IGF1: variants seen among roughly 807,000 people sequenced by gnomAD.
IGF1 encodes the protein insulin like growth factor 1.
A neutral mutation model predicts 13.8 loss-of-function variants in IGF1; 4 were observed. The observed-to-expected ratio is 0.29, with a 90% CI of 0.14 to 0.66. The LOEUF is 0.66. Among genes scored for constraint, IGF1 ranks in the 30% least tolerant of loss-of-function variants. The pLI is 0.78. For synonymous variants in IGF1, 76 were observed against 72.6 expected, an observed-to-expected ratio of 1.05 and a Z score of -0.23; for missense variants, 124 against 188.5, an observed-to-expected ratio of 0.66 and a Z score of 2.00.
At chr12:102,432,495 G>A (rs1387787735) in intron 2 of IGF1, among the ~76,000 whole-genome samples, 1 of 152,170 alleles carries the variant, frequency 6.6e-6, no homozygotes, top group Non-Finnish European at 1.5e-5. Flanking sequence ...AGGACCAGAG[G>A]AATTTAATCA....
rs532019026 is a variant in IGF1, at chr12:102,453,398, A to G, written c.220+22245T>C. ...GGAAACTTTTCTTCAGGCCTCAGTT[A>G]GTGGCCTCCGGTATTCAATTATACT... On this transcript the variant is annotated intron_variant, in intron 2 of 3. Coordinates refer to ENST00000337514, the MANE Select transcript of IGF1 (RefSeq NM_000618.5). Among the ~76,000 whole-genome samples, 3 of 152,354 alleles carry G rather than the reference A, an allele frequency of 2.0e-5. No individual in the cohort carries two copies. The East Asian group carries it at 5.8e-4, about 29-fold the overall frequency.
In IGF1 at chr12:102,440,376, C is replaced by T. The variant is rs5742661; in HGVS notation, c.221-20686G>A. Reference sequence around the variant, plus strand: ...AGATGTGGATTCAGTTGGAGATAGCCGATTTCTCCAAGAATCATGGAATGT... The same window carrying T: ...AGATGTGGATTCAGTTGGAGATAGCTGATTTCTCCAAGAATCATGGAATGT... On this transcript the variant is annotated intron_variant, in intron 2 of 3. Transcript: ENST00000337514. Among the ~76,000 whole-genome samples the T allele has an allele frequency of 4.6e-5, 7 of 152,248 alleles. No individual in the cohort carries two copies. In the East Asian group the frequency reaches 5.8e-4, roughly 13 times the overall value.
intron 3 of IGF1, among the ~76,000 whole-genome samples, chr12:102,405,709 A>G (rs1260668702): frequency 4.6e-5 from 7 of 152,248 alleles, no homozygotes; most frequent in African/African-American, 1.7e-4. Flanking sequence ...AACTAAGAAA[A>G]TATTCAGGAA....
At chr12:102,419,878 G>T (rs1163997941) in intron 2 of IGF1, among the ~76,000 whole-genome samples, 188 bp from the exon 3 acceptor site, 1 of 152,158 alleles carries the variant, frequency 6.6e-6, no homozygotes, top group African/African-American at 2.4e-5. Flanking sequence ...GTCTCCCGGA[G>T]TCTGTACCAC....
intron 2 of IGF1, among the ~76,000 whole-genome samples, chr12:102,437,185 C>A (rs1877322871): frequency 6.6e-6 from 1 of 152,244 alleles, no homozygotes; most frequent in Non-Finnish European, 1.5e-5. Flanking sequence ...ATCCCCAGGG[C>A]TGGCTGGTAC....
chr12:102,430,056 A>C (rs1307001633), intron 2 of IGF1, among the ~76,000 whole-genome samples: 1 of 152,018 alleles, frequency 6.6e-6, no homozygotes, highest in Non-Finnish European at 1.5e-5. Flanking sequence ...GGGCCATTTT[A>C]TTTCCCTGGA....
chr12:102,432,809 G>A (rs764755355), intron 2 of IGF1, among the ~76,000 whole-genome samples: 19 of 152,168 alleles, frequency 1.2e-4, no homozygotes, highest in Middle Eastern at 3.4e-3. Flanking sequence ...TAACCTGCAC[G>A]TTGTGCACAT....
upstream of IGF1, chr12:102,480,765 G>C: frequency 2.6e-6 from 1 of 378,972 alleles, no homozygotes; most frequent in Non-Finnish European, 4.8e-6. Context: ...TCCCTTAAAA[G>C]AATGTGTGTT....
chr12:102,396,917 C>T lies in IGF1; in HGVS notation c.*5590G>A, dbSNP rs182925295. The T allele has an allele frequency of 7.5e-6, 3 of 398,252 alleles. No homozygotes were observed. The highest frequency in any genetic ancestry group is 4.4e-5 in the Admixed American group (1 of 22,684). The allele number at this position is 398,252 out of a possible 1,614,324, so 24.7% of individuals were successfully genotyped here. A position where few individuals can be genotyped will look rare whatever the true frequency, so the allele number is the denominator to read the frequency against. On this transcript the variant is annotated 3_prime_UTR_variant, in exon 4 of 4. Coordinates refer to ENST00000337514, the MANE Select transcript of IGF1 (RefSeq NM_000618.5). The stretch of plus-strand genomic sequence containing the variant: ...TGTAATCATACATTAAGAGGGAACA[C>T]ATGGGCAGGGTGTGGTGGCTCATGC...
chr12:102,465,058 T>C (rs1210866349), intron 2 of IGF1, among the ~76,000 whole-genome samples: 2 of 152,214 alleles, frequency 1.3e-5, no homozygotes, highest in African/African-American at 4.8e-5. Flanking sequence ...GAGTGAGCAT[T>C]CTGAAGATAC....
chr12:102,448,034 G>A (rs563489649), intron 2 of IGF1, among the ~76,000 whole-genome samples: 140 of 151,698 alleles, frequency 9.2e-4, no homozygotes, highest in Non-Finnish European at 1.5e-3. Context: ...CTGACAAAGG[G>A]TAATATCCAA....
intron 3 of IGF1, among the ~76,000 whole-genome samples, chr12:102,406,274 C>T (rs939597992): frequency 1.3e-5 from 2 of 152,188 alleles, no homozygotes; most frequent in African/African-American, 2.4e-5. Flanking sequence ...AACTTAATTA[C>T]GCCAGCCACC....
intron 2 of IGF1, among the ~76,000 whole-genome samples, chr12:102,444,655 T>C (rs540738892): frequency 1.3e-5 from 2 of 152,106 alleles, no homozygotes; most frequent in African/African-American, 4.8e-5. Flanking sequence ...AGAACTAAGC[T>C]CAAGTCAATT....
chr12:102,478,732 C>A (rs1331596400), intron 1 of IGF1: 15 of 1,119,096 alleles, frequency 1.3e-5, no homozygotes, highest in Non-Finnish European at 1.8e-5. Flanking sequence ...TCAATCTTTT[C>A]CCCCCAGTCA....
intron 2 of IGF1, among the ~76,000 whole-genome samples, 182 bp downstream of exon 2, chr12:102,475,461 G>C (rs574661111): frequency 8.5e-5 from 13 of 152,130 alleles, no homozygotes; most frequent in African/African-American, 3.1e-4. Flanking sequence ...TCCTAGATCT[G>C]CAAAACCTGC....
At chr12:102,442,534 C>T in intron 2 of IGF1, among the ~76,000 whole-genome samples, 1 of 151,994 alleles carries the variant, frequency 6.6e-6, no homozygotes, top group South Asian at 2.1e-4. Flanking sequence ...TTTTAAAAAC[C>T]CCACTACCTC....
At chr12:102,476,236 C>A (rs2137278701) in intron 1 of IGF1, among the ~76,000 whole-genome samples, 1 of 152,260 alleles carries the variant, frequency 6.6e-6, no homozygotes, top group Non-Finnish European at 1.5e-5. Context: ...AATTTAAATT[C>A]TCTCAATATT....
At chr12:102,462,873 C>A (rs1046121181) in intron 2 of IGF1, 1 of 152,172 alleles carries the variant, frequency 6.6e-6, no homozygotes, top group Non-Finnish European at 1.5e-5. Context: ...TAATAGAGAA[C>A]ATTTGCTGTG....
In IGF1 at chr12:102,401,212, C is replaced by A. The variant is rs1443096794; in HGVS notation, c.*1295G>T. The A allele has an allele frequency of 2.5e-5, 4 of 160,322 alleles. No individual in the cohort carries two copies. Among genetic ancestry groups the A allele is most frequent in the Admixed American group, 6.5e-5 (1 of 15,420 alleles). The allele number at this position is 160,322 out of a possible 1,614,324, so 9.9% of individuals were successfully genotyped here. The stretch of plus-strand genomic sequence containing the variant: ...TTTGAGGTAGGTAGATGACATATTG[C>A]CCCCATTTTGCAGATGAGGAAACTG... On this transcript the variant is annotated 3_prime_UTR_variant, in exon 4 of 4. Transcript: ENST00000337514.
Sources: gnomAD v4.1 joint callset for allele counts (sites outside exome capture counted in the v4.1 genomes callset) on GRCh38, gnomAD v4.1.1 for gene constraint, MANE v1.5 for transcripts, NCBI Gene and HGNC (gene_info 2026-07-23, HGNC 2026-07-21) for gene names.